UNC5C: variants seen among roughly 807,000 people sequenced by gnomAD.
UNC5C encodes the protein netrin receptor UNC5C.
In UNC5C, 47 loss-of-function variants were observed where a neutral mutation model predicts 99.8. That is an observed-to-expected ratio of 0.47 (90% confidence interval 0.37 to 0.60). The LOEUF is 0.60. Among genes scored for constraint, UNC5C ranks in the 20% least tolerant of loss-of-function variants. UNC5C has a pLI of 0.00. For missense variants in UNC5C, 1,062 were observed against 1,165.9 expected (o/e 0.91, Z 1.30); for synonymous variants, 487 against 452.2 (o/e 1.08, Z -0.98).
chr4:95,450,061 G>A (rs1426248015), intron 1 of UNC5C, among the ~76,000 whole-genome samples: 1 of 152,142 alleles, frequency 6.6e-6, no homozygotes, highest in Non-Finnish European at 1.5e-5. Flanking sequence ...ACTCACCAAG[G>A]AGAATTCTAT....
intron 2 of UNC5C, among the ~76,000 whole-genome samples, chr4:95,315,511 G>A (rs764598771): frequency 6.6e-6 from 1 of 152,072 alleles, no homozygotes; most frequent in Admixed American, 6.6e-5. Flanking sequence ...ATTGACAATC[G>A]AACAAACAGC....
chr4:95,543,663 A>G (rs1343693641), intron 1 of UNC5C, among the ~76,000 whole-genome samples: 1 of 152,200 alleles, frequency 6.6e-6, no homozygotes, highest in Non-Finnish European at 1.5e-5. Context: ...CTTATCAGAA[A>G]TCCTGGGGTG....
At chr4:95,207,058 G>A (rs1363992582) in intron 10 of UNC5C, among the ~76,000 whole-genome samples, 1 of 151,970 alleles carries the variant, frequency 6.6e-6, no homozygotes, top group Non-Finnish European at 1.5e-5. Flanking sequence ...CTCCGACACT[G>A]GTCTTTCTAT....
chr4:95,349,411 G>A (rs2149428357), intron 1 of UNC5C, among the ~76,000 whole-genome samples: 1 of 139,318 alleles, frequency 7.2e-6, no homozygotes, highest in East Asian at 2.3e-4. Flanking sequence ...CACATTACAA[G>A]AAATATAAGG....
At chr4:95,288,606 C>T (rs1430209716) in intron 3 of UNC5C, among the ~76,000 whole-genome samples, 1 of 152,236 alleles carries the variant, frequency 6.6e-6, no homozygotes, top group African/African-American at 2.4e-5. Context: ...ATCAGTTTCA[C>T]TGAGCCATAA....
chr4:95,369,224 T>G (rs748533272), intron 1 of UNC5C, among the ~76,000 whole-genome samples: 1 of 151,988 alleles, frequency 6.6e-6, no homozygotes. Context: ...CCAGAAATAC[T>G]TGACTTTAAT....
Position 95,169,122 on chromosome 4 carries a change from G to C in UNC5C, c.*112C>G, listed in dbSNP as rs1579191550. The C allele has an allele frequency of 4.4e-6, 6 of 1,359,034 alleles. No individual in the cohort carries two copies. The highest frequency in any genetic ancestry group is 6.1e-6 in the Non-Finnish European group (6 of 980,918). The allele number at this position is 1,359,034 out of a possible 1,614,324, so 84.2% of individuals were successfully genotyped here. A position where few individuals can be genotyped will look rare whatever the true frequency, so the allele number is the denominator to read the frequency against. ...TCCTTCTGGCTCCTGCTGCAGTCTT[G>C]CCTGTGAAGTGCATTGGTCTCATCT... On this transcript the variant is annotated 3_prime_UTR_variant, in exon 16 of 16. Coordinates refer to ENST00000453304, the MANE Select transcript of UNC5C (RefSeq NM_003728.4).
At chr4:95,385,274 G>A (rs566320085) in intron 1 of UNC5C, among the ~76,000 whole-genome samples, 1 of 152,294 alleles carries the variant, frequency 6.6e-6, no homozygotes, top group South Asian at 2.1e-4. Flanking sequence ...ATGTGCGGAA[G>A]TGCTCGTAAC....
chr4:95,216,818 G>C (rs1738269719), intron 9 of UNC5C, among the ~76,000 whole-genome samples: 1 of 152,228 alleles, frequency 6.6e-6, no homozygotes, highest in Non-Finnish European at 1.5e-5. Flanking sequence ...AGCTAACTGT[G>C]TCTGCTGTGG....
chr4:95,486,601 A>G (rs1383256459), intron 1 of UNC5C, among the ~76,000 whole-genome samples: 2 of 151,656 alleles, frequency 1.3e-5, no homozygotes, highest in African/African-American at 4.8e-5. Context: ...CTTATTCCCA[A>G]CAGCCTCCAA....
intron 1 of UNC5C, among the ~76,000 whole-genome samples, chr4:95,417,705 G>A (rs990515797): frequency 2.0e-5 from 3 of 152,192 alleles, no homozygotes; most frequent in Non-Finnish European, 4.4e-5. Flanking sequence ...AAGGGAATGA[G>A]TAGGTGAGTA....
At position 95,170,239 on chromosome 4, in the gene UNC5C, G is replaced by A. The variant is rs897744414; in HGVS notation, c.2545C>T (p.Arg849Trp). 7 of 1,614,096 alleles carry A rather than the reference G, an allele frequency of 4.3e-6. No homozygotes were observed. Among genetic ancestry groups the A allele is most frequent in the Non-Finnish European group, 5.1e-6 (6 of 1,180,022 alleles). The change falls in exon 15 of 16, where the codon CGG becomes TGG. Residue 849 changes from arginine to tryptophan, a missense_variant. Physicochemically the swap from Arg to Trp is moderately radical, Grantham distance 101. Around this residue, in one of 3 missense-constraint regions of UNC5C, gnomAD observed 810 missense variants for 854.5 expected, o/e 0.95. Transcript: ENST00000453304. ...PSAFSIPLPI[R>W]QKLCSSLDAP... is the part of the protein sequence containing the mutation. ...TCCAGGCTGCTACAGAGCTTCTGCC[G>A]GATAGGGAGAGGGATGCTGAAAGCA... is the stretch of plus-strand genomic sequence containing the variant.
intron 1 of UNC5C, among the ~76,000 whole-genome samples, chr4:95,338,675 T>A (rs944769931): frequency 6.6e-6 from 1 of 152,094 alleles, no homozygotes; most frequent in African/African-American, 2.4e-5. Flanking sequence ...TTCATTTTCA[T>A]TTTCCCTAAG....
intron 12 of UNC5C, among the ~76,000 whole-genome samples, chr4:95,201,646 T>C (rs1737663199): frequency 6.6e-6 from 1 of 151,460 alleles, no homozygotes; most frequent in South Asian, 2.1e-4. Flanking sequence ...CTCTGTCGCC[T>C]AGGCTGGAAT....
chr4:95,444,768 A>G (rs530773332), intron 1 of UNC5C, among the ~76,000 whole-genome samples: 13 of 152,314 alleles, frequency 8.5e-5, no homozygotes, highest in African/African-American at 3.1e-4. Context: ...CCCTGTATTC[A>G]GAGCTCTTGG....
chr4:95,309,635 G>A (rs368315989), intron 2 of UNC5C, among the ~76,000 whole-genome samples: 9 of 152,160 alleles, frequency 5.9e-5, no homozygotes, highest in East Asian at 1.9e-4. Flanking sequence ...CAAAAGACAC[G>A]TTTCAAAAGA....
At chr4:95,187,264 T>TC (rs1463631416) in intron 12 of UNC5C, among the ~76,000 whole-genome samples, 1 of 152,196 alleles carries the variant, frequency 6.6e-6, no homozygotes, top group African/African-American at 2.4e-5. Context: ...TGCCAATCAA[T>TC]CAGTTCCAGC....
At chr4:95,510,789 G>T (rs1445145247) in intron 1 of UNC5C, among the ~76,000 whole-genome samples, 2 of 152,014 alleles carry the variant, frequency 1.3e-5, no homozygotes, top group East Asian at 3.9e-4. Flanking sequence ...CCATAGAATG[G>T]GAGTTTAATA....
At chr4:95,188,075 C>T (rs941730280) in intron 12 of UNC5C, among the ~76,000 whole-genome samples, 2 of 152,172 alleles carry the variant, frequency 1.3e-5, no homozygotes, top group African/African-American at 4.8e-5. Flanking sequence ...ACATAAGATC[C>T]TGTATTAATC....
Sources: allele counts gnomAD v4.1 joint callset (sites outside exome capture counted in the v4.1 genomes callset), GRCh38; gene constraint gnomAD v4.1.1; regional missense constraint gnomAD v4.1.1; transcripts MANE v1.5; gene names NCBI Gene and HGNC (gene_info 2026-07-23, HGNC 2026-07-21).